Variants in SLC30A7 observed in about 807,000 individuals in gnomAD.
SLC30A7 encodes solute carrier family 30 member 7, also known as zinc transporter 7.
In SLC30A7, 35 loss-of-function variants were observed where a neutral mutation model predicts 46.0. The ratio of observed to expected loss-of-function variants is 0.76; its 90% CI spans 0.58 to 1.01. The LOEUF (loss-of-function observed/expected upper bound fraction) is 1.01. Ranked by LOEUF, SLC30A7 falls within the 50% of genes least tolerant of loss-of-function variation. The pLI is 0.00. For synonymous variants in SLC30A7, 147 were observed against 157.8 expected, an observed-to-expected ratio of 0.93 and a Z score of 0.51; for missense variants, 464 against 451.1, an observed-to-expected ratio of 1.03 and a Z score of -0.26.
intron 5 of SLC30A7, among the ~76,000 whole-genome samples, chr1:100,912,784 G>A (rs1266030426): frequency 6.6e-6 from 1 of 151,864 alleles, no homozygotes; most frequent in Non-Finnish European, 1.5e-5. Context: ...AGGTTGAGAT[G>A]GGAGAGTCGC....
chr1:100,910,982 A>G, intron 3 of SLC30A7, 81 bp from the exon 4 acceptor site: 1 of 1,102,482 alleles, frequency 9.1e-7, no homozygotes, highest in Non-Finnish European at 1.4e-6. Flanking sequence ...ATGGTTTGGA[A>G]TCTCTGAATG....
In SLC30A7 at chr1:100,979,531, A is replaced by T. The variant is rs1021343503; in HGVS notation, c.*4674A>T. On this transcript the variant is annotated 3_prime_UTR_variant, in exon 11 of 11. Transcript: ENST00000357650. Reference sequence around the variant, plus strand: ...AGTCTGACAAGGGTGTCTTTGATTTATATTTCCTAACTGCAAATTACACAG... The same window carrying T: ...AGTCTGACAAGGGTGTCTTTGATTTTTATTTCCTAACTGCAAATTACACAG... 2.6e-5 allele frequency: 4 copies of T among 151,786 alleles called. No homozygotes were observed. Among genetic ancestry groups the T allele is most frequent in the Admixed American group, 2.6e-4 (4 of 15,208 alleles). The allele number at this position is 151,786 out of a possible 1,614,324, so 9.4% of individuals were successfully genotyped here. A position where few individuals can be genotyped will look rare whatever the true frequency, so the allele number is the denominator to read the frequency against.
intron 10 of SLC30A7, among the ~76,000 whole-genome samples, chr1:100,974,352 C>G (rs572831463): frequency 6.6e-6 from 1 of 152,050 alleles, no homozygotes; most frequent in Admixed American, 6.5e-5. Context: ...AGAGCAGTAT[C>G]CTTGAGTAGC....
intron 8 of SLC30A7, among the ~76,000 whole-genome samples, chr1:100,930,215 A>G (rs958003269): frequency 6.6e-6 from 1 of 152,012 alleles, no homozygotes; most frequent in Non-Finnish European, 1.5e-5. Context: ...TTGTACTTTT[A>G]TATACATATA....
chr1:100,961,116 G>A (rs1274518950), intron 8 of SLC30A7, among the ~76,000 whole-genome samples: 3 of 150,788 alleles, frequency 2.0e-5, no homozygotes, highest in Non-Finnish European at 4.4e-5. Context: ...CACCATGCCC[G>A]GCTGATTTTT....
intron 8 of SLC30A7, among the ~76,000 whole-genome samples, chr1:100,943,608 T>TA (rs1443591506): frequency 6.6e-6 from 1 of 152,210 alleles, no homozygotes; most frequent in Non-Finnish European, 1.5e-5. Flanking sequence ...ATCCTGAAGC[T>TA]ACCTACAGGC....
chr1:100,920,312 T>C (rs1273620035), intron 7 of SLC30A7, among the ~76,000 whole-genome samples: 1 of 152,054 alleles, frequency 6.6e-6, no homozygotes, highest in Non-Finnish European at 1.5e-5. Flanking sequence ...ATGTGTATTT[T>C]TTTTCCAGTT....
At chr1:100,944,864 A>G (rs1445452887) in intron 8 of SLC30A7, among the ~76,000 whole-genome samples, 2 of 152,174 alleles carry the variant, frequency 1.3e-5, no homozygotes, top group Admixed American at 6.5e-5. Flanking sequence ...AGGAATCGCC[A>G]CAGTCTTCCA....
intron 6 of SLC30A7, 136 bp downstream of exon 6, chr1:100,913,942 C>T: frequency 1.6e-6 from 2 of 1,265,452 alleles, no homozygotes; most frequent in Non-Finnish European, 1.1e-6. Context: ...AAATGGTTCC[C>T]AGGGCTAGTT....
chr1:100,960,572 A>G (rs148863361), intron 8 of SLC30A7, among the ~76,000 whole-genome samples: 16 of 151,940 alleles, frequency 1.1e-4, no homozygotes, highest in Non-Finnish European at 2.1e-4. Context: ...ACTTGCTTCT[A>G]CTCTTCTTAT....
chr1:100,961,122 T>C (rs1308782806), intron 8 of SLC30A7, among the ~76,000 whole-genome samples: 1 of 134,432 alleles, frequency 7.4e-6, no homozygotes, highest in Non-Finnish European at 1.6e-5. Context: ...GCCCGGCTGA[T>C]TTTTTTTTTT....
Position 100,965,655 on chromosome 1 carries a change from C to CT in SLC30A7, c.934-107dup, listed in dbSNP as rs34433966. ...TTATTTATTCAAACATCCTCCTTTC[C>CT]TTTTTTTAAAATGGACGATAGAATC... is the stretch of plus-strand genomic sequence containing the variant. On this transcript the variant is annotated intron_variant, in intron 9 of 10. Coordinates refer to ENST00000357650, the MANE Select transcript of SLC30A7 (RefSeq NM_133496.5). 18 of 866,056 alleles carry CT rather than the reference C, an allele frequency of 2.1e-5. No individual in the cohort carries two copies. The South Asian group carries it at 2.7e-4, about 13-fold the overall frequency. The allele number at this position is 866,056 out of a possible 1,614,324, so 53.6% of individuals were successfully genotyped here. A position where few individuals can be genotyped will look rare whatever the true frequency, so the allele number is the denominator to read the frequency against.
intron 3 of SLC30A7, among the ~76,000 whole-genome samples, chr1:100,910,753 C>A (rs1244451965): frequency 6.6e-6 from 1 of 151,998 alleles, no homozygotes; most frequent in Non-Finnish European, 1.5e-5. Context: ...TCTGTTTTTC[C>A]TTCTCCACTA....
intron 2 of SLC30A7, among the ~76,000 whole-genome samples, chr1:100,903,133 A>G (rs796411956): frequency 3.0e-4 from 45 of 152,282 alleles, no homozygotes; most frequent in African/African-American, 9.9e-4. Context: ...TATTAAATAT[A>G]TAGTCTAATT....
chr1:100,899,939 G>A (rs535474632), intron 2 of SLC30A7, among the ~76,000 whole-genome samples: 3 of 151,908 alleles, frequency 2.0e-5, no homozygotes, highest in South Asian at 2.1e-4. Context: ...TGTATTCTGC[G>A]GAAAGTCAAG....
intron 10 of SLC30A7, among the ~76,000 whole-genome samples, chr1:100,968,281 T>G (rs1655968192): frequency 6.6e-6 from 1 of 151,914 alleles, no homozygotes; most frequent in South Asian, 2.1e-4. Flanking sequence ...ACCAACATGG[T>G]GAAACCCCAT....
At chr1:100,972,266 T>C in intron 10 of SLC30A7, 1 of 348,724 alleles carries the variant, frequency 2.9e-6, no homozygotes, top group Non-Finnish European at 6.0e-6. Flanking sequence ...ACTTTTCTCT[T>C]TACTTTAAAG....
downstream of SLC30A7, among the ~76,000 whole-genome samples, chr1:100,984,685 T>A (rs931169176): frequency 6.6e-6 from 1 of 152,144 alleles, no homozygotes; most frequent in African/African-American, 2.4e-5. Flanking sequence ...AAGATTGATA[T>A]TCTCCATTAA....
At position 100,896,273 on chromosome 1, in the gene SLC30A7, T is replaced by C; in HGVS notation, c.11T>C (p.Leu4Pro). 1 of 1,614,214 alleles carries C rather than the reference T, an allele frequency of 6.2e-7. No individual in the cohort carries two copies. Among genetic ancestry groups the C allele is most frequent in the African/African-American group, 1.3e-5 (1 of 75,070 alleles). ...CGCCGGGCAGAGAAGATGTTGCCCCTGTCCATCAAAGACGATGAATACAAA... is the reference window on the plus strand; with the variant it reads ...CGCCGGGCAGAGAAGATGTTGCCCCCGTCCATCAAAGACGATGAATACAAA... The part of the protein sequence containing the change: MLP[L>P]SIKDDEYKPP... Residue 4 changes from leucine to proline, a missense_variant, in exon 1 of 11, where the codon CTG becomes CCG. Physicochemically the swap from Leu to Pro is moderately conservative, Grantham distance 98. Coordinates refer to ENST00000357650, the MANE Select transcript of SLC30A7 (RefSeq NM_133496.5).
Sources: allele counts gnomAD v4.1 joint callset (sites outside exome capture counted in the v4.1 genomes callset), GRCh38; gene constraint gnomAD v4.1.1; transcripts MANE v1.5; gene names NCBI Gene and HGNC (gene_info 2026-07-23, HGNC 2026-07-21).